Variants in TTLL5 observed in about 807,000 individuals in gnomAD.
The protein encoded by TTLL5 is tubulin polyglutamylase TTLL5.
A neutral mutation model predicts 168.4 loss-of-function variants in TTLL5; 132 were observed. The ratio of observed to expected loss-of-function variants is 0.78; its 90% confidence interval spans 0.68 to 0.91. The LOEUF (loss-of-function observed/expected upper bound fraction) is 0.91. Ranked by LOEUF, TTLL5 falls within the 40% of genes least tolerant of loss-of-function variation. The pLI is 0.00. For missense variants in TTLL5, 1,545 were observed against 1,581.5 expected, an observed-to-expected ratio of 0.98 and a Z score of 0.39; for synonymous variants, 546 against 558.6, an observed-to-expected ratio of 0.98 and a Z score of 0.32.
intron 26 of TTLL5, among the ~76,000 whole-genome samples, chr14:75,785,884 C>A (rs1892336182): frequency 6.6e-6 from 1 of 152,054 alleles, no homozygotes; most frequent in Non-Finnish European, 1.5e-5. Flanking sequence ...ATTTTAGGAT[C>A]AGCTTGTCAA....
intron 28 of TTLL5, among the ~76,000 whole-genome samples, chr14:75,861,302 G>A (rs1043044763): frequency 6.6e-6 from 1 of 152,160 alleles, no homozygotes; most frequent in Admixed American, 6.5e-5. Context: ...CGAGAGATTT[G>A]GAAATCTCTC....
At chr14:75,749,621 G>T (rs1177001999) in intron 17 of TTLL5, among the ~76,000 whole-genome samples, 3 of 152,116 alleles carry the variant, frequency 2.0e-5, no homozygotes. Flanking sequence ...AGAAAAAAGA[G>T]AGGTGCTCAG....
chr14:75,677,127 CTAA>C (rs1316922722), intron 3 of TTLL5, among the ~76,000 whole-genome samples: 1 of 152,008 alleles, frequency 6.6e-6, no homozygotes, highest in Non-Finnish European at 1.5e-5. Context: ...AGTGCATATA[CTAA>C]TGACTTTTAT....
At chr14:75,890,653 C>A (rs1272303769) in intron 30 of TTLL5, among the ~76,000 whole-genome samples, 1 of 152,168 alleles carries the variant, frequency 6.6e-6, no homozygotes, top group African/African-American at 2.4e-5. Context: ...TGAGTAGGCC[C>A]AGGAACCATT....
At chr14:75,697,056 A>T (rs1273165650) in intron 6 of TTLL5, among the ~76,000 whole-genome samples, 1 of 152,228 alleles carries the variant, frequency 6.6e-6, no homozygotes. Flanking sequence ...CAAAAGAAGA[A>T]TAAAATTTTG....
chr14:75,930,461 TC>T, intron 31 of TTLL5: 1 of 476,530 alleles, frequency 2.1e-6, no homozygotes, highest in Non-Finnish European at 2.7e-6. Context: ...TTAGGGATGT[TC>T]AACCAGTAAG....
chr14:75,818,612 T>A (rs977839322), intron 27 of TTLL5: 40 of 229,662 alleles, frequency 1.7e-4, no homozygotes, highest in African/African-American at 9.6e-4. Flanking sequence ...CTCAGCCTCC[T>A]GAGTAGCTGG....
intron 21 of TTLL5, among the ~76,000 whole-genome samples, chr14:75,773,480 A>G (rs949722719): frequency 6.6e-6 from 1 of 152,222 alleles, no homozygotes; most frequent in Non-Finnish European, 1.5e-5. Flanking sequence ...TCAAAAAAGA[A>G]TAACCACTGC....
rs374680809 is a variant in TTLL5 at position 75,690,306 on chromosome 14, G to A, written c.486G>A (p.Glu162=). Reference sequence around the variant, plus strand: ...CCCAGACCTTCCTCCTGCCAGCTGAGTACGCGGAATTTTGTAGTAAGTGCT... The same window carrying A: ...CCCAGACCTTCCTCCTGCCAGCTGAATACGCGGAATTTTGTAGTAAGTGCT... The part of the protein sequence containing the change: ...ILPQTFLLPA[E]YAEFCNSYSK... Residue 162 remains glutamate, a synonymous_variant, in exon 6 of 32, where the codon GAG becomes GAA. Transcript: ENST00000298832. 6.2e-5 allele frequency: 100 copies of A among 1,607,152 alleles called. No individual in the cohort carries two copies. Among genetic ancestry groups the A allele is most frequent in the Non-Finnish European group, 8.3e-5 (98 of 1,177,478 alleles).
chr14:75,713,832 A>G (rs1887255696), intron 9 of TTLL5, among the ~76,000 whole-genome samples: 1 of 152,158 alleles, frequency 6.6e-6, no homozygotes, highest in South Asian at 2.1e-4. Context: ...GCACTTTTTT[A>G]CACTTTTAAT....
At chr14:75,899,414 T>C (rs2032821182) in intron 30 of TTLL5, among the ~76,000 whole-genome samples, 1 of 152,224 alleles carries the variant, frequency 6.6e-6, no homozygotes, top group Admixed American at 6.5e-5. Context: ...TTGGAATATA[T>C]TTTCCCAAGG....
intron 7 of TTLL5, among the ~76,000 whole-genome samples, chr14:75,705,979 A>C (rs1449888833): frequency 6.6e-6 from 1 of 152,056 alleles, no homozygotes; most frequent in Non-Finnish European, 1.5e-5. Context: ...TCCCTTTGTC[A>C]GTAGGGTACC....
intron 23 of TTLL5, among the ~76,000 whole-genome samples, chr14:75,778,282 A>C (rs1891841194): frequency 6.6e-6 from 1 of 152,174 alleles, no homozygotes; most frequent in Non-Finnish European, 1.5e-5. Flanking sequence ...TTCTTTTATT[A>C]AGTTTGGTTT....
At chr14:75,732,781 C>A (rs1888627197) in intron 13 of TTLL5, among the ~76,000 whole-genome samples, 1 of 152,056 alleles carries the variant, frequency 6.6e-6, no homozygotes, top group South Asian at 2.1e-4. Context: ...AGGTTCAAAT[C>A]CACATACACT....
At chr14:75,945,070 G>A (rs1002702244) in intron 31 of TTLL5, among the ~76,000 whole-genome samples, 38 of 151,910 alleles carry the variant, frequency 2.5e-4, no homozygotes, top group African/African-American at 8.9e-4. Flanking sequence ...GACGCCAGAA[G>A]TATGCCAGCA....
At chr14:75,686,493 T>C (rs1237748456) in intron 5 of TTLL5, among the ~76,000 whole-genome samples, 2 of 152,178 alleles carry the variant, frequency 1.3e-5, no homozygotes, top group African/African-American at 4.8e-5. Flanking sequence ...TGATAAGAGT[T>C]CCACATAGTT....
chr14:75,729,321 T>A (rs1205487311), intron 12 of TTLL5, among the ~76,000 whole-genome samples: 2 of 152,176 alleles, frequency 1.3e-5, no homozygotes, highest in East Asian at 1.9e-4. Context: ...ACTGAGTTTT[T>A]AAAATTCTCG....
At chr14:75,882,649 T>A (rs762322177) in intron 29 of TTLL5, 36 bp from the exon 30 acceptor site, 1 of 1,569,728 alleles carries the variant, frequency 6.4e-7, no homozygotes, top group African/African-American at 1.4e-5. Flanking sequence ...GTGAAGGTGA[T>A]GTCCATCGAT....
chr14:75,872,887 G>A (rs1313145509), intron 29 of TTLL5, among the ~76,000 whole-genome samples: 1 of 144,076 alleles, frequency 6.9e-6, no homozygotes, highest in African/African-American at 2.6e-5. Context: ...ACTCCAGCCT[G>A]GGCAACAAGG....
Sources: gnomAD v4.1 joint callset for allele counts (sites outside exome capture counted in the v4.1 genomes callset) on GRCh38, gnomAD v4.1.1 for gene constraint, MANE v1.5 for transcripts, NCBI Gene and HGNC (gene_info 2026-07-23, HGNC 2026-07-21) for gene names.